The following ANKRD24 variants were observed in gnomAD, a reference collection of about 807,000 sequenced individuals.
ANKRD24 encodes ankyrin repeat domain-containing protein 24.
Under a neutral mutation model 127.8 loss-of-function variants are expected in ANKRD24, and 109 were observed. That is an observed-to-expected ratio of 0.85 (90% confidence interval 0.73 to 1.00). ANKRD24 has a LOEUF of 1.00. Ranked by LOEUF, ANKRD24 falls within the 50% of genes least tolerant of loss-of-function variation. ANKRD24 has a pLI of 0.00. For missense variants in ANKRD24, 1,648 were observed against 1,570.2 expected (o/e 1.05, Z -0.84); for synonymous variants, 743 against 671.1 (o/e 1.11, Z -1.66).
At chr19:4,190,373 G>T (rs900628939) in intron 2 of ANKRD24, among the ~76,000 whole-genome samples, 1 of 149,720 alleles carries the variant, frequency 6.7e-6, no homozygotes, top group Non-Finnish European at 1.5e-5. Flanking sequence ...GCAGTGAGCC[G>T]AGATGGAGCC....
Position 4,217,176 on chromosome 19 carries a change from G to T in ANKRD24, c.2016G>T (p.Met672Ile), listed in dbSNP as rs747862748. The change falls in exon 18 of 22, where the codon ATG (methionine) becomes ATT (isoleucine). Residue 672 changes from methionine to isoleucine, a missense_variant. By Grantham distance (10) the Met-to-Ile change is conservative. Transcript: ENST00000318934. ...CCCCAGTCACAGGGACCACAAACAT[G>T]GAGGCCACGGGCTCTAGGGCCACAG... ...AEPPVTGTTN[M>I]EATGSRATGM... 6.2e-7 allele frequency: 1 copy of T among 1,612,360 alleles called. No individual in the cohort carries two copies. Among genetic ancestry groups the T allele is most frequent in the Admixed American group, 1.7e-5 (1 of 59,588 alleles).
chr19:4,219,107 G>A (rs1970303397), intron 18 of ANKRD24, among the ~76,000 whole-genome samples: 1 of 152,032 alleles, frequency 6.6e-6, no homozygotes, highest in Non-Finnish European at 1.5e-5. Context: ...ACAACATCGT[G>A]AAACCCCGTC....
In ANKRD24 at chr19:4,207,302, C is replaced by G. The variant is rs1370547319; in HGVS notation, c.527C>G (p.Pro176Arg). 6.2e-7 allele frequency: 1 copy of G among 1,613,796 alleles called. No homozygotes were observed. Among genetic ancestry groups the G allele is most frequent in the Admixed American group, 1.7e-5 (1 of 59,976 alleles). ...TGCTCCTTTAAGGCACATCTAAACCCCCAAGATCGGGTAAGCTTCTGGGAT... is the reference window on the plus strand; with the variant it reads ...TGCTCCTTTAAGGCACATCTAAACCGCCAAGATCGGGTAAGCTTCTGGGAT... ...VLCSFKAHLN[P>R]QDRSGATPLI... The change falls in exon 8 of 22, where the codon CCC becomes CGC. Residue 176 changes from proline to arginine, a missense_variant. By Grantham distance (103) the Pro-to-Arg change is moderately radical. Transcript: ENST00000318934.
intron 7 of ANKRD24, 196 bp from the exon 8 acceptor site, chr19:4,207,046 G>A: frequency 3.4e-6 from 2 of 595,682 alleles, no homozygotes; most frequent in Non-Finnish European, 5.9e-6. Context: ...CTAGTAGCTG[G>A]GGCCACAGAC....
Position 4,217,555 on chromosome 19 carries a change from C to T in ANKRD24, c.2395C>T (p.Arg799Ter). Residue 799 changes from arginine to a stop codon, truncating the protein, a stop_gained, in exon 18 of 22, where the codon CGA becomes TGA. Transcript: ENST00000318934. LOFTEE classifies it high-confidence loss of function. ...AALEQAREDLRDRDSRLRELE... is the reference protein window; with the variant it reads ...AALEQAREDL The stretch of plus-strand genomic sequence containing the variant: ...CCTGGAGCAGGCCCGGGAGGACCTC[C>T]GAGACCGGGACTCCCGCCTGCGGGA... 2.3e-6 allele frequency: 3 copies of T among 1,319,410 alleles called. No homozygotes were observed. The highest frequency in any genetic ancestry group is 2.9e-6 in the Non-Finnish European group (3 of 1,039,306). The allele number at this position is 1,319,410 out of a possible 1,614,324, so 81.7% of individuals were successfully genotyped here.
In ANKRD24 at chr19:4,216,670, G is replaced by A. The variant is rs966823518; in HGVS notation, c.1510G>A (p.Ala504Thr). Reference protein sequence around the residue: ...AEFDQLRRQHAEALQALRQQE... With the variant: ...AEFDQLRRQHTEALQALRQQE... Reference sequence around the variant, plus strand: ...GTTTGACCAGCTACGCAGGCAGCACGCTGAGGCCCTGCAGGCCCTGAGGCA... The same window carrying A: ...GTTTGACCAGCTACGCAGGCAGCACACTGAGGCCCTGCAGGCCCTGAGGCA... Residue 504 changes from alanine (A) to threonine (T), a missense_variant, in exon 18 of 22, where the codon GCT becomes ACT. Physicochemically the swap from Ala to Thr is moderately conservative, Grantham distance 58. Coordinates refer to ENST00000318934, the MANE Select transcript of ANKRD24 (RefSeq NM_001393985.1). 3.1e-6 allele frequency: 5 copies of A among 1,596,326 alleles called. No individual in the cohort carries two copies. The highest frequency in any genetic ancestry group is 4.5e-5 in the East Asian group (2 of 44,122).
chr19:4,207,579 G>GC lies in ANKRD24; in HGVS notation c.618dup (p.Ala207ArgfsTer17), dbSNP rs1969463605. 2.3e-5 allele frequency: 37 copies of GC among 1,613,872 alleles called. No homozygotes were observed. The highest frequency in any genetic ancestry group is 3.1e-5 in the Non-Finnish European group (36 of 1,179,884). ...CCGTCTCCTACTGCAGCAAGGGGCT[G>GC]CCGCGAACGATCAGGACCTGCAAGG... is the stretch of plus-strand genomic sequence containing the variant. On this transcript the variant is annotated frameshift_variant, in exon 9 of 22. Coordinates refer to ENST00000318934, the MANE Select transcript of ANKRD24 (RefSeq NM_001393985.1). LOFTEE classifies it high-confidence loss of function.
Position 4,216,654 on chromosome 19 carries a change from G to A in ANKRD24, c.1494G>A (p.Gln498=), listed in dbSNP as rs1189426598. 9.4e-6 allele frequency: 15 copies of A among 1,602,960 alleles called. No homozygotes were observed. Among genetic ancestry groups the A allele is most frequent in the Non-Finnish European group, 1.3e-5 (15 of 1,174,860 alleles). The part of the protein sequence containing the change: ...LYDSLRAEFD[Q]LRRQHAEALQ... Reference sequence around the variant, plus strand: ...ACTCTCTCCGGGCCGAGTTTGACCAGCTACGCAGGCAGCACGCTGAGGCCC... The same window carrying A: ...ACTCTCTCCGGGCCGAGTTTGACCAACTACGCAGGCAGCACGCTGAGGCCC... Residue 498 remains glutamine, a synonymous_variant, in exon 18 of 22, where the codon CAG becomes CAA. Transcript: ENST00000318934.
At chr19:4,213,488 C>G (rs776864738) in intron 15 of ANKRD24, among the ~76,000 whole-genome samples, 30 of 134,544 alleles carry the variant, frequency 2.2e-4, no homozygotes, top group Non-Finnish European at 3.1e-5. Flanking sequence ...CAGAGTCTCG[C>G]TCTGTCACCC....
At chr19:4,219,864 T>C (rs1164365043) in intron 19 of ANKRD24, 106 bp downstream of exon 19, 14 of 1,306,382 alleles carry the variant, frequency 1.1e-5, no homozygotes, top group Non-Finnish European at 3.0e-6. Context: ...AATCAACCCA[T>C]TTTCCAGAAG....
chr19:4,186,837 T>C (rs1344910637), intron 2 of ANKRD24, among the ~76,000 whole-genome samples: 2 of 152,168 alleles, frequency 1.3e-5, no homozygotes, highest in African/African-American at 4.8e-5. Flanking sequence ...GGTGTGTGTG[T>C]ACTCAGCACA....
chr19:4,218,006 G>C lies in ANKRD24; in HGVS notation c.2846G>C (p.Arg949Pro). ...EVVATGKEAA[R>P]LRAELERERV... Reference sequence around the variant, plus strand: ...GTGGCCACGGGCAAGGAGGCCGCCCGGCTGCGCGCGGAGCTGGAGCGGGAG... The same window carrying C: ...GTGGCCACGGGCAAGGAGGCCGCCCCGCTGCGCGCGGAGCTGGAGCGGGAG... The change falls in exon 18 of 22, where the codon CGG (arginine) becomes CCG (proline). Residue 949 changes from arginine (R) to proline (P), a missense_variant. By Grantham distance (103) the Arg-to-Pro change is moderately radical. Coordinates refer to ENST00000318934, the MANE Select transcript of ANKRD24 (RefSeq NM_001393985.1). 3.9e-6 allele frequency: 6 copies of C among 1,541,538 alleles called. No individual in the cohort carries two copies. The highest frequency in any genetic ancestry group is 5.2e-6 in the Non-Finnish European group (6 of 1,151,252).
Position 4,199,617 on chromosome 19 carries a change from T to TG in ANKRD24, c.37-61dup. 6.8e-7 allele frequency: 1 copy of TG among 1,471,776 alleles called. No homozygotes were observed. The highest frequency in any genetic ancestry group is 9.0e-7 in the Non-Finnish European group (1 of 1,116,958). The allele number at this position is 1,471,776 out of a possible 1,614,324, so 91.2% of individuals were successfully genotyped here. On this transcript the variant is annotated intron_variant, in intron 2 of 21. Transcript: ENST00000318934. The surrounding 1 kb of genome is among the most constrained non-coding windows in gnomAD (Gnocchi z 5.2). ...GGGTGATGGGCCTGGGGGCAGATGC[T>TG]GGGGGTCGCAGGCTTGGGGGACACT...
At chr19:4,192,503 G>A (rs371905417) in intron 2 of ANKRD24, among the ~76,000 whole-genome samples, 2 of 150,698 alleles carry the variant, frequency 1.3e-5, no homozygotes, top group African/African-American at 4.9e-5. Flanking sequence ...GAGCCACCGC[G>A]CCCGGCCAGG....
chr19:4,184,970 T>TGGTGGGTG (rs140751891), intron 1 of ANKRD24, among the ~76,000 whole-genome samples: 1 of 40,042 alleles, frequency 2.5e-5, no homozygotes, highest in African/African-American at 1.2e-4. Flanking sequence ...ATGGATGCAC[T>TGGTGGGTG]GGTGGGTGGG....
Position 4,217,526 on chromosome 19 carries a change from CG to C in ANKRD24, c.2368del (p.Ala790ProfsTer220). 1 of 1,364,196 alleles carries C rather than the reference CG, an allele frequency of 7.3e-7. No individual in the cohort carries two copies. The highest frequency in any genetic ancestry group is 3.1e-5 in the East Asian group (1 of 32,614). The allele number at this position is 1,364,196 out of a possible 1,614,324, so 84.5% of individuals were successfully genotyped here. On this transcript the variant is annotated frameshift_variant, in exon 18 of 22. Coordinates refer to ENST00000318934, the MANE Select transcript of ANKRD24 (RefSeq NM_001393985.1). LOFTEE classifies it high-confidence loss of function. Reference protein sequence around the residue: ...GGGGDTTQLRAALEQAREDLR... With the variant: ...GGGGDTTQLRXALEQAREDLR... ...GGCGGTGACACCACACAGCTGCGGG[CG>C]GCCCTGGAGCAGGCCCGGGAGGACC... is the stretch of plus-strand genomic sequence containing the variant.
chr19:4,218,148 C>T lies in ANKRD24; in HGVS notation c.2988C>T (p.Ser996=), dbSNP rs1193578267. The T allele has an allele frequency of 3.3e-6, 5 of 1,513,462 alleles. No homozygotes were observed. Among genetic ancestry groups the T allele is most frequent in the Non-Finnish European group, 4.4e-6 (5 of 1,130,610 alleles). 93.8% of individuals were successfully genotyped at this position (1,513,462 alleles called of 1,614,324 possible). The stretch of plus-strand genomic sequence containing the variant: ...TGGGACGGCGGCATGAGAAGACCAG[C>T]GCAGAGGTCTTCCAGGTGAGCAGGG... ...EELGRRHEKT[S]AEVFQVQREA... Residue 996 remains serine, a synonymous_variant, in exon 18 of 22, where the codon AGC becomes AGT. Coordinates refer to ENST00000318934, the MANE Select transcript of ANKRD24 (RefSeq NM_001393985.1).
At chr19:4,215,417 G>A (rs753217811) in intron 15 of ANKRD24, among the ~76,000 whole-genome samples, 4 of 149,374 alleles carry the variant, frequency 2.7e-5, no homozygotes, top group African/African-American at 9.9e-5. Flanking sequence ...TCTGGGAGGC[G>A]AAGGTTACAG....
intron 19 of ANKRD24, among the ~76,000 whole-genome samples, chr19:4,220,701 C>T (rs1970395556): frequency 1.3e-5 from 2 of 150,422 alleles, no homozygotes; most frequent in Non-Finnish European, 1.5e-5. Context: ...ACTACAGGCG[C>T]CTGCCACCAC....
Sources: gnomAD v4.1 joint callset for allele counts (sites outside exome capture counted in the v4.1 genomes callset) on GRCh38, gnomAD v4.1.1 for gene constraint, Gnocchi (gnomAD v3.1) non-coding constraint, MANE v1.5 for transcripts, NCBI Gene and HGNC (gene_info 2026-07-23, HGNC 2026-07-21) for gene names.